EBF1: variants seen among roughly 807,000 people sequenced by gnomAD.
EBF1 encodes the protein EBF transcription factor 1, also known as transcription factor COE1.
Under a neutral mutation model 68.4 loss-of-function variants are expected in EBF1, and 10 were observed. The observed-to-expected ratio is 0.15, with a 90% confidence interval of 0.09 to 0.25. EBF1 has a LOEUF of 0.25. EBF1 is among the 10% of genes least tolerant of loss of function. The pLI, the probability that EBF1 is intolerant of heterozygous loss-of-function variation, is 1.00. For missense variants in EBF1, 509 were observed against 794.4 expected (o/e 0.64, Z 4.32); for synonymous variants, 298 against 299.8 (o/e 0.99, Z 0.06).
chr5:158,949,520 C>A (rs1242259461), intron 6 of EBF1, among the ~76,000 whole-genome samples: 1 of 152,134 alleles, frequency 6.6e-6, no homozygotes, highest in Non-Finnish European at 1.5e-5. Context: ...AAAATATTTT[C>A]TTCAGGAAAA....
intron 6 of EBF1, among the ~76,000 whole-genome samples, chr5:158,991,168 G>A (rs1760247312): frequency 6.6e-6 from 1 of 152,152 alleles, no homozygotes. Context: ...CCTACCCCTG[G>A]CACTAATGAG....
chr5:158,888,193 C>T (rs1006454523), intron 6 of EBF1, among the ~76,000 whole-genome samples: 5 of 152,022 alleles, frequency 3.3e-5, no homozygotes, highest in African/African-American at 1.2e-4. Flanking sequence ...GTTCTTTTTC[C>T]GTTTTTCCTA....
intron 11 of EBF1, among the ~76,000 whole-genome samples, chr5:158,725,826 T>C (rs975544791): frequency 1.3e-5 from 2 of 152,194 alleles, no homozygotes; most frequent in South Asian, 2.1e-4. Context: ...TTGTTTTCCA[T>C]AGGGGTTTCA....
chr5:158,967,040 C>T (rs1237117426), intron 6 of EBF1, among the ~76,000 whole-genome samples: 2 of 145,724 alleles, frequency 1.4e-5, no homozygotes, highest in Admixed American at 6.9e-5. Context: ...AATAACAACC[C>T]AAGTTTCTGG....
intron 9 of EBF1, among the ~76,000 whole-genome samples, chr5:158,787,476 A>G (rs963990116): frequency 6.6e-6 from 1 of 152,134 alleles, no homozygotes; most frequent in Non-Finnish European, 1.5e-5. Context: ...TATTTTATTT[A>G]CTTTTTTGGC....
chr5:158,823,362 C>T lies in EBF1; in HGVS notation c.637-45G>A, dbSNP rs183687174. 203 of 1,564,540 alleles carry T rather than the reference C, an allele frequency of 1.3e-4. 1 individual carries two copies. The East Asian group carries it at 2.1e-3, about 16-fold the overall frequency. On this transcript the variant is annotated intron_variant, in intron 7 of 15. Coordinates refer to ENST00000313708, the MANE Select transcript of EBF1 (RefSeq NM_024007.5). ...ATGAATGAACATTTTAATATAAAAG[C>T]GTGGTGGGTAATAAACTCAAGTTAA...
At chr5:158,977,734 T>C (rs564864485) in intron 6 of EBF1, among the ~76,000 whole-genome samples, 3 of 152,324 alleles carry the variant, frequency 2.0e-5, no homozygotes, top group South Asian at 4.1e-4. Context: ...AAATATACTC[T>C]GTGACTTAGT....
chr5:158,706,473 T>C (rs1757909374), intron 15 of EBF1, among the ~76,000 whole-genome samples: 1 of 152,194 alleles, frequency 6.6e-6, no homozygotes, highest in South Asian at 2.1e-4. Flanking sequence ...CCCATCTGTA[T>C]AATGGGACTA....
At chr5:158,790,837 ATGCAGT>A (rs1778449101) in intron 9 of EBF1, among the ~76,000 whole-genome samples, 1 of 152,190 alleles carries the variant, frequency 6.6e-6, no homozygotes, top group African/African-American at 2.4e-5. Context: ...CAATAGGGAG[ATGCAGT>A]TTTGTGGCCA....
chr5:159,088,985 A>G (rs982713258), intron 4 of EBF1, among the ~76,000 whole-genome samples: 2 of 152,162 alleles, frequency 1.3e-5, no homozygotes, highest in Non-Finnish European at 2.9e-5. Flanking sequence ...GGAAGAGTTA[A>G]ATAGTAAACA....
chr5:159,089,657 T>G (rs1287406765), intron 4 of EBF1, among the ~76,000 whole-genome samples: 1 of 151,496 alleles, frequency 6.6e-6, no homozygotes, highest in Non-Finnish European at 1.5e-5. Context: ...GAGAATACTT[T>G]TGACTTTGGT....
chr5:158,900,992 A>C (rs1402910827), intron 6 of EBF1, among the ~76,000 whole-genome samples: 7 of 152,238 alleles, frequency 4.6e-5, no homozygotes, highest in African/African-American at 1.7e-4. Context: ...CTTACATATT[A>C]CTCAAGAATG....
At chr5:159,053,441 A>T (rs1253606427) in intron 6 of EBF1, among the ~76,000 whole-genome samples, 4 of 152,208 alleles carry the variant, frequency 2.6e-5, no homozygotes, top group Non-Finnish European at 5.9e-5. Context: ...GTAACCAAGA[A>T]AAGACTAATT....
chr5:159,095,743 T>C (rs1782485269), intron 3 of EBF1, 68 bp from the exon 4 acceptor site: 1 of 1,535,946 alleles, frequency 6.5e-7, no homozygotes. Flanking sequence ...TGGACAATAA[T>C]TAACAACAAC....
intron 4 of EBF1, among the ~76,000 whole-genome samples, chr5:159,094,225 A>G (rs1303690251): frequency 1.4e-5 from 2 of 146,698 alleles, no homozygotes; most frequent in African/African-American, 5.0e-5. Flanking sequence ...GAATTATCCT[A>G]TGCAATTATT....
chr5:159,029,901 G>A (rs1379897914), intron 6 of EBF1, among the ~76,000 whole-genome samples: 1 of 151,018 alleles, frequency 6.6e-6, no homozygotes, highest in African/African-American at 2.4e-5. Context: ...AGGTTGCAGT[G>A]AGCCAAGATC....
intron 6 of EBF1, among the ~76,000 whole-genome samples, chr5:159,035,727 T>C (rs1313031823): frequency 6.6e-6 from 1 of 152,186 alleles, no homozygotes; most frequent in African/African-American, 2.4e-5. Flanking sequence ...TTTATATGGG[T>C]AGGCAAGAAA....
At chr5:159,083,605 G>T (rs568858190) in intron 5 of EBF1, among the ~76,000 whole-genome samples, 2 of 152,186 alleles carry the variant, frequency 1.3e-5, no homozygotes, top group Non-Finnish European at 2.9e-5. Context: ...CACTCAGAAA[G>T]CACATTAAGC....
chr5:159,087,381 T>C (rs984899552), intron 4 of EBF1, among the ~76,000 whole-genome samples: 1 of 142,484 alleles, frequency 7.0e-6, no homozygotes, highest in Non-Finnish European at 1.5e-5. Flanking sequence ...CACATATATA[T>C]ACACATATAT....
Sources: gnomAD v4.1 joint callset for allele counts (sites outside exome capture counted in the v4.1 genomes callset) on GRCh38, gnomAD v4.1.1 for gene constraint, MANE v1.5 for transcripts, NCBI Gene and HGNC (gene_info 2026-07-23, HGNC 2026-07-21) for gene names.